PSD3: variants seen among roughly 807,000 people sequenced by gnomAD.
PSD3 encodes the protein PH and SEC7 domain-containing protein 3.
Under a neutral mutation model 105.5 loss-of-function variants are expected in PSD3, and 49 were observed. The ratio of observed to expected loss-of-function variants is 0.46; its 90% CI spans 0.37 to 0.59. PSD3 has a LOEUF of 0.59. PSD3 is among the 20% of genes least tolerant of loss of function. The pLI is 0.00. For missense variants in PSD3, 1,561 were observed against 1,263.8 expected (o/e 1.24, Z -3.57); for synonymous variants, 557 against 457.8 (o/e 1.22, Z -2.77).
At chr8:18,568,844 TA>T (rs1297223965) in intron 14 of PSD3, among the ~76,000 whole-genome samples, 15 of 151,546 alleles carry the variant, frequency 9.9e-5, no homozygotes, top group Non-Finnish European at 1.5e-5. Flanking sequence ...CTCCCGATGC[TA>T]TCCCTCCCCA....
chr8:18,888,407 T>C (rs1419306781), intron 2 of PSD3, among the ~76,000 whole-genome samples: 1 of 152,100 alleles, frequency 6.6e-6, no homozygotes, highest in African/African-American at 2.4e-5. Context: ...TCTCGGCTAT[T>C]AATCTGGATT....
chr8:19,032,318 A>G (rs2129476270), intron 1 of PSD3, among the ~76,000 whole-genome samples: 1 of 152,296 alleles, frequency 6.6e-6, no homozygotes, highest in East Asian at 1.9e-4. Context: ...ACTCGTGTTC[A>G]TATGTTAAAT....
chr8:19,006,186 G>A (rs530217240), intron 1 of PSD3, among the ~76,000 whole-genome samples: 2 of 151,212 alleles, frequency 1.3e-5, no homozygotes, highest in African/African-American at 2.4e-5. Flanking sequence ...TCAGCTACTC[G>A]GGAGGTGGAG....
At chr8:18,752,649 A>T (rs1424778891) in intron 9 of PSD3, among the ~76,000 whole-genome samples, 1 of 103,368 alleles carries the variant, frequency 9.7e-6, no homozygotes, top group Non-Finnish European at 1.8e-5. Flanking sequence ...TATAATATAT[A>T]TAATATATTA....
intron 4 of PSD3, among the ~76,000 whole-genome samples, chr8:18,820,714 C>T (rs1812627740): frequency 6.6e-6 from 1 of 152,110 alleles, no homozygotes; most frequent in Admixed American, 6.5e-5. Flanking sequence ...CCCACAAATA[C>T]AACAGTCTGC....
intron 9 of PSD3, among the ~76,000 whole-genome samples, chr8:18,739,620 G>T (rs1804406125): frequency 6.6e-6 from 1 of 152,126 alleles, no homozygotes; most frequent in Admixed American, 6.5e-5. Context: ...CATGGTCACA[G>T]GGCTCTAATT....
chr8:18,925,557 C>A (rs908111571), intron 2 of PSD3, among the ~76,000 whole-genome samples: 1 of 152,062 alleles, frequency 6.6e-6, no homozygotes, highest in Non-Finnish European at 1.5e-5. Flanking sequence ...GCTCCAAAAT[C>A]TGAAACGTTG....
chr8:18,942,633 A>T (rs1003751707), intron 1 of PSD3, among the ~76,000 whole-genome samples: 9 of 152,244 alleles, frequency 5.9e-5, no homozygotes. Context: ...TCATATGAAA[A>T]GATGACGACA....
At chr8:18,637,747 C>G (rs1807371764) in intron 10 of PSD3, among the ~76,000 whole-genome samples, 1 of 152,084 alleles carries the variant, frequency 6.6e-6, no homozygotes, top group African/African-American at 2.4e-5. Flanking sequence ...TTTGTATCTA[C>G]AACCAATACC....
At chr8:18,585,216 T>G (rs1399226648) in intron 12 of PSD3, among the ~76,000 whole-genome samples, 2 of 152,180 alleles carry the variant, frequency 1.3e-5, no homozygotes, top group East Asian at 3.8e-4. Flanking sequence ...GGGCCTTTAT[T>G]TGGATGGTTG....
chr8:18,556,077 A>C, intron 15 of PSD3, 132 bp downstream of exon 15: 67 of 994,142 alleles, frequency 6.7e-5, no homozygotes, highest in African/African-American at 8.2e-5. Context: ...TGACCTTGCC[A>C]GGAGCTCCCA....
At chr8:18,615,381 C>T (rs13282155) in intron 11 of PSD3, among the ~76,000 whole-genome samples, 10,732 of 152,266 alleles carry the variant, frequency 0.07, 510 homozygotes, top group South Asian at 0.14. Flanking sequence ...AATGACACAG[C>T]AGCAAGGGCC....
At chr8:18,782,848 G>A (rs1477799997) in intron 8 of PSD3, among the ~76,000 whole-genome samples, 4 of 152,230 alleles carry the variant, frequency 2.6e-5, no homozygotes, top group Admixed American at 2.6e-4. Flanking sequence ...GCACGCAGCT[G>A]GGTGGCACAT....
chr8:18,839,708 A>C (rs548744534), intron 4 of PSD3, among the ~76,000 whole-genome samples: 1 of 152,176 alleles, frequency 6.6e-6, no homozygotes, highest in East Asian at 1.9e-4. Context: ...CTGTAAGTCA[A>C]CTCCACGTGG....
At chr8:18,632,000 C>A (rs998575938) in intron 11 of PSD3, among the ~76,000 whole-genome samples, 3 of 152,026 alleles carry the variant, frequency 2.0e-5, no homozygotes, top group Non-Finnish European at 4.4e-5. Context: ...TTCTCAAACT[C>A]CAAACACCAT....
intron 8 of PSD3, among the ~76,000 whole-genome samples, chr8:18,774,165 T>C (rs1300404922): frequency 7.8e-6 from 1 of 127,540 alleles, no homozygotes; most frequent in African/African-American, 2.5e-5. Flanking sequence ...CCATACAGAT[T>C]CCTTTAGTTA....
chr8:18,836,609 T>A (rs534413347), intron 4 of PSD3, among the ~76,000 whole-genome samples: 66 of 152,298 alleles, frequency 4.3e-4, no homozygotes, highest in African/African-American at 1.5e-3. Context: ...AGTTCCAGGG[T>A]CCTTTCTGGA....
At chr8:18,616,506 G>A in intron 11 of PSD3, among the ~76,000 whole-genome samples, 1 of 152,014 alleles carries the variant, frequency 6.6e-6, no homozygotes, top group Non-Finnish European at 1.5e-5. Context: ...GGGTCTGAAA[G>A]AAACATTCAC....
intron 1 of PSD3, among the ~76,000 whole-genome samples, chr8:19,025,290 T>TATCTTTTTCTAGAAATCTTC (rs1336894533): frequency 2.0e-5 from 3 of 152,178 alleles, no homozygotes; most frequent in African/African-American, 4.8e-5. Flanking sequence ...GAGAAATCTT[T>TATCTTTTTCTAGAAATCTTC]ATCTTTTTCT....
Sources: allele counts gnomAD v4.1 joint callset (sites outside exome capture counted in the v4.1 genomes callset), GRCh38; gene constraint gnomAD v4.1.1; transcripts MANE v1.5; gene names NCBI Gene and HGNC (gene_info 2026-07-23, HGNC 2026-07-21).